The following NEBL variants were observed in gnomAD, a reference collection of about 807,000 sequenced individuals.
The protein encoded by NEBL is LIM and SH3 protein 2.
Under a neutral mutation model 140.2 loss-of-function variants are expected in NEBL, and 122 were observed. The ratio of observed to expected loss-of-function variants is 0.87; its 90% CI spans 0.75 to 1.01. The LOEUF (loss-of-function observed/expected upper bound fraction) is 1.01. Ranked by LOEUF, NEBL falls within the 50% of genes least tolerant of loss-of-function variation. The pLI, the probability that NEBL is intolerant of heterozygous loss-of-function variation, is 0.00. For synonymous variants in NEBL, 436 were observed against 398.9 expected, an observed-to-expected ratio of 1.09 and a Z score of -1.11; for missense variants, 1,365 against 1,231.3, an observed-to-expected ratio of 1.11 and a Z score of -1.62.
In NEBL at chr10:21,172,189, C is replaced by T. The variant is rs1326971558; in HGVS notation, c.164+194G>A. 1.1e-5 allele frequency: 7 copies of T among 615,040 alleles called. No individual in the cohort carries two copies. In the East Asian group the frequency reaches 1.7e-4, roughly 15 times the overall value. 38.1% of individuals were successfully genotyped at this position (615,040 alleles called of 1,614,324 possible). ...TGATTGAAGATGCATAGACGTTACCCAACACATTAGAAAGGTATAAAAAGC... is the reference window on the plus strand; with the variant it reads ...TGATTGAAGATGCATAGACGTTACCTAACACATTAGAAAGGTATAAAAAGC... On this transcript the variant is annotated intron_variant, in intron 2 of 6. Transcript: ENST00000417816.
At chr10:21,187,508 T>C (rs539949095) in intron 3 of NEBL, among the ~76,000 whole-genome samples, 1 of 150,110 alleles carries the variant, frequency 6.7e-6, no homozygotes, top group Non-Finnish European at 1.5e-5. Flanking sequence ...ACTATTATTA[T>C]TTATTATTAT....
intron 24 of NEBL, among the ~76,000 whole-genome samples, chr10:20,810,795 A>G (rs928241805): frequency 7.9e-5 from 12 of 152,252 alleles, no homozygotes; most frequent in African/African-American, 2.7e-4. Flanking sequence ...AATTTGTAAA[A>G]TGGAACTGGA....
intron 2 of NEBL, among the ~76,000 whole-genome samples, chr10:21,157,793 T>C (rs551756797): frequency 2.7e-4 from 41 of 152,248 alleles, no homozygotes; most frequent in African/African-American, 8.9e-4. Flanking sequence ...TATTTGGAGA[T>C]AGGGTCTTTG....
At chr10:20,817,470 AT>A in intron 21 of NEBL, 129 bp downstream of exon 21, 1 of 839,412 alleles carries the variant, frequency 1.2e-6, no homozygotes, top group Non-Finnish European at 2.0e-6. Context: ...AATCTTTCAA[AT>A]AAGTTGTTAG....
intron 3 of NEBL, among the ~76,000 whole-genome samples, chr10:20,981,120 C>T (rs748168198): frequency 3.7e-4 from 56 of 152,124 alleles, no homozygotes; most frequent in Admixed American, 1.4e-3. Context: ...AGCCACCTCA[C>T]TAAAATTCCA....
In NEBL at chr10:20,835,513, C is replaced by T. The variant is rs1264173492; in HGVS notation, c.1449G>A (p.Glu483=). Residue 483 remains glutamate (E), a splice_region_variant and synonymous_variant, in exon 14 of 28, where the codon GAG becomes GAA. Transcript: ENST00000377122. ...GGCCTGCATCACGCACCCTACTAAC[C>T]TCACTCGCTATCTCTGCAGCCTTCT... ...HAKKAAEIAS[E]KDYKRDLETE... 5 of 1,607,206 alleles carry T rather than the reference C, an allele frequency of 3.1e-6. No homozygotes were observed. The highest frequency in any genetic ancestry group is 2.2e-5 in the East Asian group (1 of 44,862).
intron 4 of NEBL, among the ~76,000 whole-genome samples, chr10:20,960,526 T>C (rs1836003219): frequency 6.6e-6 from 1 of 152,110 alleles, no homozygotes; most frequent in African/African-American, 2.4e-5. Context: ...GTACTTTGCA[T>C]CCTCCCACTT....
intron 1 of NEBL, among the ~76,000 whole-genome samples, chr10:21,255,269 T>C (rs1455174404): frequency 6.6e-6 from 1 of 151,988 alleles, no homozygotes; most frequent in Non-Finnish European, 1.5e-5. Context: ...GAGAAGCAGC[T>C]GAGTGTATAT....
At chr10:21,287,661 A>G (rs760894954) in intron 1 of NEBL, among the ~76,000 whole-genome samples, 7 of 152,350 alleles carry the variant, frequency 4.6e-5, no homozygotes, top group Middle Eastern at 3.4e-3. Context: ...TCAAACCCCT[A>G]TAATCCAGAT....
chr10:20,861,907 A>G (rs936462229), intron 7 of NEBL, among the ~76,000 whole-genome samples: 4 of 152,198 alleles, frequency 2.6e-5, no homozygotes, highest in Non-Finnish European at 5.9e-5. Flanking sequence ...AAAATGCACC[A>G]TATACCCCTA....
In NEBL at chr10:21,250,218, G is replaced by C. The variant is rs145870884; in HGVS notation, n.279+1514C>G. Among the ~76,000 whole-genome samples, 320 of 152,294 alleles carry C rather than the reference G, an allele frequency of 2.1e-3. 3 individuals carry two copies. The highest frequency in any genetic ancestry group is 7.2e-3 in the African/African-American group (300 of 41,570). On this transcript the variant is annotated intron_variant and non_coding_transcript_variant, in intron 2 of 8. Coordinates refer to the NEBL transcript ENST00000675702. ...ATGTTTGAGTCCATGAGCTGAGAAA[G>C]GCAGATGCACCCTTAATCTGAGTGG...
At chr10:20,883,441 T>C (rs1443506487) in intron 4 of NEBL, among the ~76,000 whole-genome samples, 1 of 152,174 alleles carries the variant, frequency 6.6e-6, no homozygotes, top group Non-Finnish European at 1.5e-5. Flanking sequence ...ACCAATTAAT[T>C]ATGTTAAGCA....
At chr10:21,151,945 C>T (rs551296702) in intron 2 of NEBL, among the ~76,000 whole-genome samples, 178 of 152,322 alleles carry the variant, frequency 1.2e-3, no homozygotes, top group Admixed American at 3.8e-3. Flanking sequence ...CACTAAGAAG[C>T]TCCACGAGGG....
intron 2 of NEBL, among the ~76,000 whole-genome samples, chr10:21,126,818 A>G (rs1033953683): frequency 1.4e-4 from 22 of 151,934 alleles, no homozygotes; most frequent in Admixed American, 1.2e-3. Flanking sequence ...ACTAAAAACA[A>G]AAGAAAATTA....
intron 3 of NEBL, among the ~76,000 whole-genome samples, chr10:21,009,939 G>T (rs1589132991): frequency 6.6e-6 from 1 of 152,154 alleles, no homozygotes; most frequent in South Asian, 2.1e-4. Flanking sequence ...AAGGGCTACC[G>T]CAGGCTGCTG....
At chr10:21,152,230 C>G (rs1255938376) in intron 2 of NEBL, among the ~76,000 whole-genome samples, 1 of 152,214 alleles carries the variant, frequency 6.6e-6, no homozygotes, top group African/African-American at 2.4e-5. Flanking sequence ...TCGTGCTCAT[C>G]TGTCTGGCCA....
chr10:20,814,344 A>C (rs1252388734), intron 22 of NEBL, among the ~76,000 whole-genome samples: 9 of 151,916 alleles, frequency 5.9e-5, no homozygotes, highest in Admixed American at 6.6e-5. Flanking sequence ...ATCTGTAATC[A>C]CAGCACTTTG....
At chr10:21,279,564 C>T (rs931724533) in intron 1 of NEBL, among the ~76,000 whole-genome samples, 30 of 151,798 alleles carry the variant, frequency 2.0e-4, no homozygotes, top group Middle Eastern at 3.4e-3. Context: ...GTCATGAGTT[C>T]GAGACCAGCC....
intron 4 of NEBL, among the ~76,000 whole-genome samples, chr10:20,957,502 A>G (rs1373619487): frequency 6.6e-6 from 1 of 152,164 alleles, no homozygotes; most frequent in Non-Finnish European, 1.5e-5. Flanking sequence ...GATAATTAAA[A>G]TTGTGAACAT....
Sources: gnomAD v4.1 joint callset for allele counts (sites outside exome capture counted in the v4.1 genomes callset) on GRCh38, gnomAD v4.1.1 for gene constraint, MANE v1.5 for transcripts, NCBI Gene and HGNC (gene_info 2026-07-23, HGNC 2026-07-21) for gene names.